Variants in SYN3 observed in about 807,000 individuals in gnomAD.
The protein encoded by SYN3 is synapsin III.
In SYN3, 35 loss-of-function variants were observed where a neutral mutation model predicts 65.8. The observed-to-expected ratio is 0.53, with a 90% CI of 0.41 to 0.70. The LOEUF (loss-of-function observed/expected upper bound fraction) is 0.70, where lower values mean the gene tolerates loss of function less well. Ranked by LOEUF, SYN3 falls within the 30% of genes least tolerant of loss-of-function variation. The pLI, the probability that SYN3 is intolerant of heterozygous loss-of-function variation, is 0.00. For missense variants in SYN3, 680 were observed against 749.0 expected (o/e 0.91, Z 1.08); for synonymous variants, 270 against 292.9 (o/e 0.92, Z 0.80).
chr22:33,034,634 A>G (rs777543062), intron 1 of SYN3, among the ~76,000 whole-genome samples: 1 of 152,092 alleles, frequency 6.6e-6, no homozygotes, highest in Non-Finnish European at 1.5e-5. Flanking sequence ...AAGAACAACC[A>G]TCATGTGGCT....
chr22:32,777,164 AGGAGACAGGCAGGAAC>A (rs2045927167), intron 6 of SYN3, among the ~76,000 whole-genome samples: 1 of 152,122 alleles, frequency 6.6e-6, no homozygotes, highest in Non-Finnish European at 1.5e-5. Flanking sequence ...TCCACAGAGA[AGGAGACAGGCAGGAAC>A]ATTTAGTGAC....
intron 6 of SYN3, among the ~76,000 whole-genome samples, chr22:32,709,356 A>G (rs1365998738): frequency 6.6e-6 from 1 of 152,186 alleles, no homozygotes; most frequent in Non-Finnish European, 1.5e-5. Flanking sequence ...CCCAATATTA[A>G]TTTTCTATAA....
Position 32,513,414 on chromosome 22 carries a change from C to T in SYN3, c.*278G>A, listed in dbSNP as rs710175. The T allele has an allele frequency of 0.19, 59,558 of 307,696 alleles. 6,869 individuals are homozygous for T. The highest frequency in any genetic ancestry group is 0.33 in the African/African-American group (15,423 of 47,444). The allele number at this position is 307,696 out of a possible 1,614,324, so 19.1% of individuals were successfully genotyped here. A position where few individuals can be genotyped will look rare whatever the true frequency, so the allele number is the denominator to read the frequency against. ...TGGTTATCTGGCAGGTAAGCAGGCA[C>T]GTGGGTAGGCAGAGGGTGTGATGCC... On this transcript the variant is annotated 3_prime_UTR_variant, in exon 14 of 14. Coordinates refer to ENST00000358763, the MANE Select transcript of SYN3 (RefSeq NM_003490.4).
intron 6 of SYN3, chr22:32,629,996 T>C (rs1028554046): frequency 6.6e-6 from 1 of 151,840 alleles, no homozygotes; most frequent in South Asian, 2.1e-4. Context: ...TATTTTTTTT[T>C]TTTTTTGAGA....
chr22:32,954,539 G>C (rs980683869), intron 3 of SYN3, among the ~76,000 whole-genome samples: 1 of 152,234 alleles, frequency 6.6e-6, no homozygotes, highest in African/African-American at 2.4e-5. Context: ...ACACCATTCT[G>C]CCAAATGCTC....
intron 7 of SYN3, among the ~76,000 whole-genome samples, chr22:32,574,343 G>T (rs987240522): frequency 4.6e-5 from 7 of 152,096 alleles, no homozygotes; most frequent in African/African-American, 1.7e-4. Context: ...GCCATGTTTG[G>T]TGGTGCACGC....
chr22:33,044,755 A>T (rs533748948), intron 1 of SYN3, among the ~76,000 whole-genome samples: 1 of 151,418 alleles, frequency 6.6e-6, no homozygotes, highest in African/African-American at 2.4e-5. Flanking sequence ...ACACAGAATT[A>T]TTTCTGGTGC....
At chr22:32,998,543 G>A (rs751204694) in intron 2 of SYN3, among the ~76,000 whole-genome samples, 65 of 152,024 alleles carry the variant, frequency 4.3e-4, no homozygotes, top group Non-Finnish European at 8.2e-4. Flanking sequence ...GGAGAGCCAG[G>A]GCTCCAGAGG....
intron 7 of SYN3, among the ~76,000 whole-genome samples, chr22:32,565,157 C>T (rs2058655049): frequency 7.2e-6 from 1 of 139,316 alleles, no homozygotes; most frequent in Non-Finnish European, 1.5e-5. Flanking sequence ...GGGCTGCACC[C>T]AAACAGTGCT....
intron 7 of SYN3, among the ~76,000 whole-genome samples, chr22:32,546,333 G>C (rs1442382739): frequency 6.6e-6 from 1 of 152,170 alleles, no homozygotes; most frequent in Non-Finnish European, 1.5e-5. Context: ...AATTTGGGAG[G>C]GGGGCAAGAA....
intron 6 of SYN3, among the ~76,000 whole-genome samples, chr22:32,702,281 T>C (rs1318153191): frequency 2.6e-5 from 4 of 152,112 alleles, no homozygotes; most frequent in African/African-American, 9.7e-5. Context: ...ATCGAGACCA[T>C]CCTGCCTAAC....
At chr22:32,927,095 G>A (rs1157175109) in intron 4 of SYN3, among the ~76,000 whole-genome samples, 4 of 151,940 alleles carry the variant, frequency 2.6e-5, no homozygotes, top group East Asian at 1.9e-4. Context: ...TTTACCTACC[G>A]GTATAGAAAA....
intron 6 of SYN3, among the ~76,000 whole-genome samples, chr22:32,652,057 C>T (rs1423841206): frequency 6.6e-6 from 1 of 152,200 alleles, no homozygotes; most frequent in Admixed American, 6.5e-5. Flanking sequence ...TCAGAGCACA[C>T]TCACTGGAAT....
intron 3 of SYN3, among the ~76,000 whole-genome samples, chr22:32,977,577 C>A (rs1418383161): frequency 6.6e-6 from 1 of 151,946 alleles, no homozygotes; most frequent in African/African-American, 2.4e-5. Flanking sequence ...AACCCCATCT[C>A]TACTAAAAAT....
At chr22:32,855,331 C>T (rs2146275441) in intron 6 of SYN3, among the ~76,000 whole-genome samples, 1 of 152,326 alleles carries the variant, frequency 6.6e-6, no homozygotes, top group Non-Finnish European at 1.5e-5. Context: ...TGACTCTGGG[C>T]ACACACTGTG....
At chr22:32,740,732 CAAG>C (rs920341019) in intron 6 of SYN3, among the ~76,000 whole-genome samples, 9 of 152,136 alleles carry the variant, frequency 5.9e-5, no homozygotes, top group Non-Finnish European at 8.8e-5. Flanking sequence ...GAGTTCAGTT[CAAG>C]AAGACCTTTT....
In SYN3 at chr22:32,980,692, A is replaced by AAT. The variant is rs1569374693; in HGVS notation, c.320_321dup (p.Phe108IlefsTer7). 6.2e-7 allele frequency: 1 copy of AAT among 1,613,964 alleles called. No individual in the cohort carries two copies. The highest frequency in any genetic ancestry group is 1.7e-5 in the Admixed American group (1 of 60,008). ...TCTCCATTCACCTTCTTCCCATGGA[A>AAT]ATACTTCGACCTGTAAAGGGGAAGA... On this transcript the variant is annotated frameshift_variant, in exon 3 of 14. Coordinates refer to ENST00000358763, the MANE Select transcript of SYN3 (RefSeq NM_003490.4). LOFTEE classifies it high-confidence loss of function.
intron 6 of SYN3, among the ~76,000 whole-genome samples, chr22:32,703,750 C>G (rs2060842112): frequency 6.6e-6 from 1 of 151,962 alleles, no homozygotes; most frequent in South Asian, 2.1e-4. Flanking sequence ...TTCATAATGT[C>G]CTTAAATGCA....
At position 33,006,693 on chromosome 22, in the gene SYN3, T is replaced by C; in HGVS notation, c.-31A>G. 6.5e-7 allele frequency: 1 copy of C among 1,543,784 alleles called. No individual in the cohort carries two copies. The highest frequency in any genetic ancestry group is 2.0e-5 in the Admixed American group (1 of 51,054). On this transcript the variant is annotated 5_prime_UTR_variant, in exon 2 of 14. Coordinates refer to ENST00000358763, the MANE Select transcript of SYN3 (RefSeq NM_003490.4). Reference sequence around the variant, plus strand: ...TGGATGGATGGAGATGACTGGCTCCTACCCAGACGTGTGTAGGTGAGGCCC... The same window carrying C: ...TGGATGGATGGAGATGACTGGCTCCCACCCAGACGTGTGTAGGTGAGGCCC...
Sources: gnomAD v4.1 joint callset for allele counts (sites outside exome capture counted in the v4.1 genomes callset) on GRCh38, gnomAD v4.1.1 for gene constraint, MANE v1.5 for transcripts, NCBI Gene and HGNC (gene_info 2026-07-23, HGNC 2026-07-21) for gene names.